SLC9A9: variants seen among roughly 807,000 people sequenced by gnomAD.
SLC9A9 encodes sodium/hydrogen exchanger 9.
In SLC9A9, 62 loss-of-function variants were observed where a neutral mutation model predicts 77.8. That is an observed-to-expected ratio of 0.80 (90% CI 0.65 to 0.98). SLC9A9 has a LOEUF of 0.98. Ranked by LOEUF, SLC9A9 falls within the 50% of genes least tolerant of loss-of-function variation. The pLI is 0.00. For missense variants in SLC9A9, 775 were observed against 774.9 expected (o/e 1.00, Z 0.00); for synonymous variants, 320 against 283.5 (o/e 1.13, Z -1.29).
intron 12 of SLC9A9, among the ~76,000 whole-genome samples, chr3:143,440,755 G>A (rs1458492713): frequency 6.6e-6 from 1 of 152,240 alleles, no homozygotes; most frequent in African/African-American, 2.4e-5. Flanking sequence ...AAAGCCACTT[G>A]AACAGTGTAC....
intron 9 of SLC9A9, among the ~76,000 whole-genome samples, chr3:143,502,006 G>A (rs2035931114): frequency 6.6e-6 from 1 of 150,432 alleles, no homozygotes; most frequent in South Asian, 2.1e-4. Context: ...TTTAAAAAAT[G>A]AAAAAAATCT....
At chr3:143,820,166 C>T (rs9822158) in intron 2 of SLC9A9, among the ~76,000 whole-genome samples, 139,788 of 152,260 alleles carry the variant, frequency 0.92, 64,741 homozygotes, top group South Asian at 0.98. Context: ...TTAATTATCT[C>T]ACCTAAGATC....
At chr3:143,575,335 C>T (rs1040503278) in intron 7 of SLC9A9, among the ~76,000 whole-genome samples, 2 of 152,200 alleles carry the variant, frequency 1.3e-5, no homozygotes, top group African/African-American at 4.8e-5. Context: ...ACAGTATTCA[C>T]TTGGACACAT....
intron 9 of SLC9A9, chr3:143,518,112 C>T (rs2036233944): frequency 1.3e-6 from 2 of 1,595,750 alleles, no homozygotes; most frequent in Admixed American, 3.3e-5. Context: ...GGTACTTTAC[C>T]TCCCATGCTC....
rs182656222 is a variant in SLC9A9 at position 143,735,644 on chromosome 3, A to G, written c.534-42337T>C. ...AGGATTCTGTAAACTCATTCAAACC[A>G]TAGGCTTCCTTTTGATTTCATGGTC... On this transcript the variant is annotated intron_variant, in intron 4 of 15. Transcript: ENST00000316549. 3.3e-5 allele frequency among the ~76,000 whole-genome samples: 5 copies of G among 152,358 alleles called. No individual in the cohort carries two copies. The East Asian group carries it at 7.7e-4, about 23-fold the overall frequency.
intron 14 of SLC9A9, among the ~76,000 whole-genome samples, chr3:143,323,615 T>G (rs908265584): frequency 3.3e-5 from 5 of 151,964 alleles, no homozygotes; most frequent in African/African-American, 1.2e-4. Flanking sequence ...ACTTAAAGGG[T>G]GCAAAGATAC....
intron 14 of SLC9A9, among the ~76,000 whole-genome samples, chr3:143,304,996 A>T (rs1169661861): frequency 6.6e-6 from 1 of 152,206 alleles, no homozygotes; most frequent in Non-Finnish European, 1.5e-5. Flanking sequence ...GTACTTTTAT[A>T]TTCTGATATC....
chr3:143,516,442 G>A (rs80299674), intron 9 of SLC9A9, among the ~76,000 whole-genome samples: 2,664 of 151,900 alleles, frequency 0.018, 70 homozygotes, highest in African/African-American at 0.06. Context: ...ATCTTAACTC[G>A]TTAAATTTAA....
At position 143,848,158 on chromosome 3, in the gene SLC9A9, T is replaced by C. The variant is rs757119489; in HGVS notation, c.165A>G (p.Ala55=). The change falls in exon 1 of 16, where the codon GCA becomes GCG. Residue 55 remains alanine, a synonymous_variant. Transcript: ENST00000316549. The stretch of plus-strand genomic sequence containing the variant: ...AATTTATGCACTCACCATACACCAT[T>C]GCTCCTCCAGTTTCATGCAAGAAGC... ...RFRFLHETGG[A]MVYGLIMGLI... 3 of 1,613,862 alleles carry C rather than the reference T, an allele frequency of 1.9e-6. No individual in the cohort carries two copies. The highest frequency in any genetic ancestry group is 3.3e-5 in the Admixed American group (2 of 60,008).
chr3:143,361,967 A>C (rs900083970), intron 14 of SLC9A9, among the ~76,000 whole-genome samples: 2 of 152,170 alleles, frequency 1.3e-5, no homozygotes, highest in Non-Finnish European at 2.9e-5. Context: ...CTTTCTGTAC[A>C]TCTCATTGTG....
At chr3:143,768,032 A>G (rs1038082154) in intron 4 of SLC9A9, among the ~76,000 whole-genome samples, 5 of 152,170 alleles carry the variant, frequency 3.3e-5, no homozygotes, top group Non-Finnish European at 7.3e-5. Flanking sequence ...GATGCTTTCC[A>G]TAACTACTCC....
intron 4 of SLC9A9, among the ~76,000 whole-genome samples, chr3:143,705,041 A>ATCTATCTATCTATC (rs765935008): frequency 5.1e-4 from 31 of 60,260 alleles, no homozygotes; most frequent in Middle Eastern, 7.4e-3. Flanking sequence ...CTATCTATCT[A>ATCTATCTATCTATC]TATAGATATA....
Position 143,740,517 on chromosome 3 carries a change from T to C in SLC9A9, c.534-47210A>G, listed in dbSNP as rs138719428. On this transcript the variant is annotated intron_variant, in intron 4 of 15. Coordinates refer to ENST00000316549, the MANE Select transcript of SLC9A9 (RefSeq NM_173653.4). The stretch of plus-strand genomic sequence containing the variant: ...AAATCATAGTTCAGTAGGCTAGTTA[T>C]ATGTTTCTTCTAGTAAAATTAAAAT... 3.6e-3 allele frequency among the ~76,000 whole-genome samples: 544 copies of C among 152,338 alleles called. 3 individuals are homozygous for C. The highest frequency in any genetic ancestry group is 0.012 in the African/African-American group (500 of 41,576).
chr3:143,789,065 A>G (rs995602329), intron 4 of SLC9A9, among the ~76,000 whole-genome samples: 2 of 152,210 alleles, frequency 1.3e-5, no homozygotes, highest in Admixed American at 6.5e-5. Context: ...AAATAAATTC[A>G]TTTCTCGACT....
chr3:143,512,158 T>C (rs564989285), intron 9 of SLC9A9, among the ~76,000 whole-genome samples: 10 of 152,314 alleles, frequency 6.6e-5, no homozygotes, highest in Admixed American at 6.5e-4. Flanking sequence ...GCTGAATGAA[T>C]AAAATTAATA....
chr3:143,410,880 G>A (rs1368364166), intron 12 of SLC9A9, among the ~76,000 whole-genome samples: 2 of 151,914 alleles, frequency 1.3e-5, no homozygotes, highest in East Asian at 3.8e-4. Context: ...TTTTAGCGAG[G>A]ATTTTCCTAT....
chr3:143,503,066 A>G (rs2035952051), intron 9 of SLC9A9, among the ~76,000 whole-genome samples: 1 of 152,228 alleles, frequency 6.6e-6, no homozygotes, highest in Non-Finnish European at 1.5e-5. Context: ...AATTTAATTA[A>G]TATTTTGGGC....
intron 6 of SLC9A9, among the ~76,000 whole-genome samples, chr3:143,645,461 C>T (rs976918794): frequency 6.6e-6 from 1 of 152,274 alleles, no homozygotes; most frequent in Admixed American, 6.5e-5. Flanking sequence ...TGGCTATGCC[C>T]ATCCAGTCTT....
intron 11 of SLC9A9, among the ~76,000 whole-genome samples, chr3:143,470,636 T>C (rs1038084475): frequency 6.6e-6 from 1 of 152,220 alleles, no homozygotes; most frequent in African/African-American, 2.4e-5. Flanking sequence ...ATAGTTCTCA[T>C]TGATATAAAT....
Sources: allele counts gnomAD v4.1 joint callset (sites outside exome capture counted in the v4.1 genomes callset), GRCh38; gene constraint gnomAD v4.1.1; transcripts MANE v1.5; gene names NCBI Gene and HGNC (gene_info 2026-07-23, HGNC 2026-07-21).